Variants in RPS6KC1 observed in about 807,000 individuals in gnomAD.
RPS6KC1 encodes ribosomal protein S6 kinase C1, also known as inactive ribosomal protein S6 kinase delta-1.
RPS6KC1 carries 54 observed loss-of-function variants against 103.8 expected under a neutral mutation model. The observed-to-expected ratio is 0.52, with a 90% CI of 0.42 to 0.65. RPS6KC1 has a LOEUF of 0.65. RPS6KC1 is among the 30% of genes least tolerant of loss of function. The probability of loss-of-function intolerance (pLI) is 0.00; values close to 1 mark genes in which losing one functional copy is unlikely to be tolerated. For synonymous variants in RPS6KC1, 439 were observed against 438.7 expected, an observed-to-expected ratio of 1.00 and a Z score of -0.01; for missense variants, 1,151 against 1,253.8, an observed-to-expected ratio of 0.92 and a Z score of 1.24.
the RPS6KC1 span, among the ~76,000 whole-genome samples, chr1:213,353,712 T>C: frequency 6.6e-6 from 1 of 152,232 alleles, no homozygotes; most frequent in African/African-American, 2.4e-5. Flanking sequence ...TGAGCTCTTA[T>C]TATGAGTCAG....
the RPS6KC1 span, among the ~76,000 whole-genome samples, chr1:213,638,677 G>T: frequency 6.6e-6 from 1 of 151,714 alleles, no homozygotes; most frequent in Non-Finnish European, 1.5e-5. Flanking sequence ...AATTTGTATG[G>T]GCCTGTTTTT....
At chr1:213,681,132 T>G in the RPS6KC1 span, among the ~76,000 whole-genome samples, 9 of 152,128 alleles carry the variant, frequency 5.9e-5, no homozygotes, top group African/African-American at 1.4e-4. Flanking sequence ...CTCAGTAGCA[T>G]GGTGCTAATG....
chr1:213,538,961 A>T, the RPS6KC1 span, among the ~76,000 whole-genome samples: 1 of 152,188 alleles, frequency 6.6e-6, no homozygotes, highest in South Asian at 2.1e-4. Flanking sequence ...GACAGATATT[A>T]TTATCCCCAT....
At chr1:213,670,390 G>A in the RPS6KC1 span, among the ~76,000 whole-genome samples, 733 of 152,308 alleles carry the variant, frequency 4.8e-3, 7 homozygotes, top group African/African-American at 0.017. Flanking sequence ...AGAATGAGCA[G>A]TAGGGGGAAG....
At chr1:213,730,552 G>C in the RPS6KC1 span, among the ~76,000 whole-genome samples, 1 of 152,128 alleles carries the variant, frequency 6.6e-6, no homozygotes. Context: ...CATGATTATT[G>C]GCTGCATGTA....
At chr1:213,468,559 A>G in the RPS6KC1 span, among the ~76,000 whole-genome samples, 1 of 152,146 alleles carries the variant, frequency 6.6e-6, no homozygotes, top group Admixed American at 6.5e-5. Flanking sequence ...ATAGAGAGAG[A>G]GACTTGAGAA....
the RPS6KC1 span, among the ~76,000 whole-genome samples, chr1:213,544,003 G>A: frequency 6.6e-6 from 1 of 152,100 alleles, no homozygotes; most frequent in African/African-American, 2.4e-5. Flanking sequence ...ATCATCTGCA[G>A]CATATCCAAC....
the RPS6KC1 span, among the ~76,000 whole-genome samples, chr1:213,409,042 C>G: frequency 6.6e-6 from 1 of 152,054 alleles, no homozygotes. Flanking sequence ...TAGAGGCCTC[C>G]TGGAGCTGCT....
chr1:213,127,699 T>C (rs2085136791), intron 5 of RPS6KC1, among the ~76,000 whole-genome samples: 2 of 152,236 alleles, frequency 1.3e-5, no homozygotes, highest in African/African-American at 4.8e-5. Context: ...GAGTTTTCAA[T>C]TCAAAATTAG....
the RPS6KC1 span, chr1:213,841,423 G>A: frequency 6.6e-6 from 1 of 152,188 alleles, no homozygotes; most frequent in African/African-American, 2.4e-5. Flanking sequence ...GACCTGCTAT[G>A]AGATTTTTTG....
In RPS6KC1 at chr1:213,264,455, C is replaced by G. The variant is rs1322009259; in HGVS notation, c.3090+1639C>G. Among the ~76,000 whole-genome samples, 3 of 151,922 alleles carry G rather than the reference C, an allele frequency of 2.0e-5. No homozygotes were observed. In the East Asian group the frequency reaches 5.8e-4, roughly 29 times the overall value. On this transcript the variant is annotated intron_variant, in intron 14 of 14. Coordinates refer to ENST00000366960, the MANE Select transcript of RPS6KC1 (RefSeq NM_012424.6). ...GACTGGCAACTGCTATTTTTTGTTT[C>G]TCTTCCTTAAAGAAGTAGTCATTAT...
the RPS6KC1 span, among the ~76,000 whole-genome samples, chr1:213,637,806 T>C: frequency 1.7e-4 from 26 of 152,032 alleles, 1 homozygote; most frequent in South Asian, 5.2e-3. Flanking sequence ...TCATTATGGC[T>C]TTTTGTTTTG....
the RPS6KC1 span, among the ~76,000 whole-genome samples, chr1:213,288,938 G>T: frequency 6.6e-6 from 1 of 152,068 alleles, no homozygotes; most frequent in Non-Finnish European, 1.5e-5. Context: ...TTGGCTTGTT[G>T]TTTGTTTGTT....
chr1:213,123,321 T>G (rs2084611680), intron 5 of RPS6KC1, among the ~76,000 whole-genome samples: 2 of 152,190 alleles, frequency 1.3e-5, no homozygotes, highest in African/African-American at 4.8e-5. Context: ...TGGCAAAAAA[T>G]GAAGCCAAGT....
At chr1:213,413,253 T>G in the RPS6KC1 span, among the ~76,000 whole-genome samples, 1 of 152,250 alleles carries the variant, frequency 6.6e-6, no homozygotes, top group East Asian at 1.9e-4. Context: ...ATTTATGATT[T>G]CCTTGTATTA....
At chr1:213,120,309 A>G (rs1384696149) in intron 5 of RPS6KC1, among the ~76,000 whole-genome samples, 1 of 152,188 alleles carries the variant, frequency 6.6e-6, no homozygotes, top group Non-Finnish European at 1.5e-5. Context: ...TAAAAGTTGC[A>G]TGCCTGGCAA....
At chr1:213,638,165 G>A in the RPS6KC1 span, among the ~76,000 whole-genome samples, 9 of 151,984 alleles carry the variant, frequency 5.9e-5, no homozygotes, top group African/African-American at 2.2e-4. Flanking sequence ...ATGATGTTAA[G>A]CATCTTTTAT....
intron 14 of RPS6KC1, among the ~76,000 whole-genome samples, chr1:213,271,506 C>G (rs975825761): frequency 6.6e-6 from 1 of 152,104 alleles, no homozygotes; most frequent in African/African-American, 2.4e-5. Context: ...TGGCTCACGC[C>G]TGTAATCCCA....
the RPS6KC1 span, among the ~76,000 whole-genome samples, chr1:213,328,754 C>T: frequency 2.0e-5 from 3 of 151,792 alleles, no homozygotes; most frequent in African/African-American, 7.3e-5. Flanking sequence ...CATTTACTGC[C>T]TTATTACAGA....
Sources: allele counts gnomAD v4.1 joint callset (sites outside exome capture counted in the v4.1 genomes callset), GRCh38; gene constraint gnomAD v4.1.1; transcripts MANE v1.5; gene names NCBI Gene and HGNC (gene_info 2026-07-23, HGNC 2026-07-21).